Variants in SPAG9 observed in about 807,000 individuals in gnomAD.
SPAG9 encodes the protein C-Jun-amino-terminal kinase-interacting protein 4.
SPAG9 carries 35 observed loss-of-function variants against 166.5 expected under a neutral mutation model. That is an observed-to-expected ratio of 0.21 (90% CI 0.16 to 0.28). The LOEUF (loss-of-function observed/expected upper bound fraction) is 0.28. Among genes scored for constraint, SPAG9 ranks in the 10% least tolerant of loss-of-function variants. The pLI is 1.00. For synonymous variants in SPAG9, 534 were observed against 565.5 expected, an observed-to-expected ratio of 0.94 and a Z score of 0.79; for missense variants, 1,235 against 1,603.3, an observed-to-expected ratio of 0.77 and a Z score of 3.92.
intron 2 of SPAG9, among the ~76,000 whole-genome samples, chr17:51,069,437 C>T (rs1014140092): frequency 3.9e-5 from 6 of 151,904 alleles, no homozygotes; most frequent in African/African-American, 7.3e-5. Context: ...TGAAAAACAG[C>T]GACAGAAAAT....
intron 1 of SPAG9, among the ~76,000 whole-genome samples, chr17:51,091,395 G>A (rs548307597): frequency 5.9e-5 from 9 of 151,934 alleles, no homozygotes; most frequent in South Asian, 2.1e-4. Flanking sequence ...CCTCTACTAC[G>A]CTTGGCAAAC....
At chr17:51,100,300 AT>A (rs1021083632) in intron 1 of SPAG9, among the ~76,000 whole-genome samples, 2 of 152,038 alleles carry the variant, frequency 1.3e-5, no homozygotes, top group Non-Finnish European at 2.9e-5. Context: ...AGATAAAAGT[AT>A]TTTTTAAAGA....
intron 12 of SPAG9, among the ~76,000 whole-genome samples, chr17:51,002,799 C>A (rs1007237127): frequency 6.6e-6 from 1 of 151,790 alleles, no homozygotes; most frequent in Non-Finnish European, 1.5e-5. Flanking sequence ...ACAACAAAAA[C>A]AAACAGTAGG....
intron 5 of SPAG9, among the ~76,000 whole-genome samples, chr17:51,037,058 C>T (rs2046614660): frequency 6.6e-6 from 1 of 152,094 alleles, no homozygotes; most frequent in Non-Finnish European, 1.5e-5. Flanking sequence ...AACTGTCTCA[C>T]CTTAACATTT....
chr17:51,015,378 C>A (rs1263441904), intron 8 of SPAG9, among the ~76,000 whole-genome samples: 1 of 152,116 alleles, frequency 6.6e-6, no homozygotes, highest in Non-Finnish European at 1.5e-5. Context: ...TAGACACAAT[C>A]CTCCAGAACA....
chr17:50,981,418 A>G (rs771874504), intron 25 of SPAG9, among the ~76,000 whole-genome samples: 1 of 151,904 alleles, frequency 6.6e-6, no homozygotes, highest in African/African-American at 2.4e-5. Flanking sequence ...GGATGGATGG[A>G]TGGATGGATG....
intron 9 of SPAG9, chr17:51,007,732 C>T: frequency 2.5e-6 from 1 of 395,144 alleles, no homozygotes; most frequent in East Asian, 7.1e-5. Flanking sequence ...TTCTAAATCA[C>T]ATCTGACCTC....
intron 24 of SPAG9, among the ~76,000 whole-genome samples, chr17:50,982,986 G>C (rs537899122): frequency 1.5e-4 from 23 of 152,286 alleles, no homozygotes; most frequent in African/African-American, 5.5e-4. Flanking sequence ...TTTCGAATTA[G>C]AATGGACTTA....
rs1451279578 is a variant in SPAG9 at position 51,005,272 on chromosome 17, G to C, written c.1425-9C>G. ...CAGCTTCTGCCCGAGCTCTAGTGGGGAAAAAACAAAACAAAACATGTTATT... is the reference window on the plus strand; with the variant it reads ...CAGCTTCTGCCCGAGCTCTAGTGGGCAAAAAACAAAACAAAACATGTTATT... On this transcript the variant is annotated splice_polypyrimidine_tract_variant and intron_variant, in intron 11 of 29. Coordinates refer to ENST00000262013, the MANE Select transcript of SPAG9 (RefSeq NM_001130528.3). 9.9e-6 allele frequency: 16 copies of C among 1,612,416 alleles called. No homozygotes were observed. The East Asian group carries it at 3.3e-4, about 34-fold the overall frequency.
intron 2 of SPAG9, among the ~76,000 whole-genome samples, chr17:51,075,651 C>T (rs897528088): frequency 6.6e-6 from 1 of 151,994 alleles, no homozygotes; most frequent in South Asian, 2.1e-4. Context: ...TAACAAGACC[C>T]CATCTCTACA....
At position 51,085,222 on chromosome 17, in the gene SPAG9, A is replaced by T. The variant is rs865942262; in HGVS notation, c.304-5518T>A. ...TTAAAAAACATATAGCATTATGAAGATGCTGTGCTACTAAACTGCTACCAA... is the reference window on the plus strand; with the variant it reads ...TTAAAAAACATATAGCATTATGAAGTTGCTGTGCTACTAAACTGCTACCAA... On this transcript the variant is annotated intron_variant, in intron 1 of 29. Transcript: ENST00000262013. 5 of 152,232 alleles carry T rather than the reference A, an allele frequency of 3.3e-5. No individual in the cohort carries two copies. In the South Asian group the frequency reaches 8.3e-4, roughly 25 times the overall value. 9.4% of individuals were successfully genotyped at this position (152,232 alleles called of 1,614,324 possible). A position where few individuals can be genotyped will look rare whatever the true frequency, so the allele number is the denominator to read the frequency against.
intron 3 of SPAG9, among the ~76,000 whole-genome samples, chr17:51,053,631 G>A (rs1040095912): frequency 9.3e-5 from 14 of 151,104 alleles, no homozygotes; most frequent in Middle Eastern, 3.2e-3. Context: ...GTTGCAGTGA[G>A]CTGAGATCAA....
At chr17:51,070,656 T>C (rs1331236830) in intron 2 of SPAG9, among the ~76,000 whole-genome samples, 1 of 152,122 alleles carries the variant, frequency 6.6e-6, no homozygotes, top group Non-Finnish European at 1.5e-5. Context: ...CAGTTTACAA[T>C]AGAGCATAAT....
intron 6 of SPAG9, among the ~76,000 whole-genome samples, chr17:51,030,029 G>A (rs1347560983): frequency 1.3e-5 from 2 of 152,058 alleles, no homozygotes; most frequent in Non-Finnish European, 2.9e-5. Flanking sequence ...TTTCACTTGA[G>A]ATACTGCAGT....
intron 2 of SPAG9, among the ~76,000 whole-genome samples, chr17:51,078,446 C>T (rs954430214): frequency 6.6e-6 from 1 of 152,132 alleles, no homozygotes; most frequent in Non-Finnish European, 1.5e-5. Flanking sequence ...ATGGCTGTAC[C>T]TTTATAGCTG....
At chr17:51,017,206 C>T (rs893131115) in intron 8 of SPAG9, among the ~76,000 whole-genome samples, 4 of 152,108 alleles carry the variant, frequency 2.6e-5, no homozygotes, top group African/African-American at 9.7e-5. Context: ...TAAGTACATA[C>T]CTAGAATCCT....
At chr17:50,985,675 A>C (rs1243681922) in intron 23 of SPAG9, 23 bp downstream of exon 23, 1 of 1,408,258 alleles carries the variant, frequency 7.1e-7, no homozygotes, top group Non-Finnish European at 1.0e-6. Context: ...TTTAACAAGA[A>C]GAATTTCCAA....
intron 2 of SPAG9, among the ~76,000 whole-genome samples, chr17:51,066,604 C>A (rs1395612011): frequency 6.7e-6 from 1 of 150,066 alleles, no homozygotes; most frequent in Non-Finnish European, 1.5e-5. Flanking sequence ...CGCCTGTAAT[C>A]CCAGCACTTT....
In SPAG9 at chr17:51,089,625, TATATATA is replaced by T. The variant is rs1568077214; in HGVS notation, c.304-9928_304-9922del. 9.4e-4 allele frequency among the ~76,000 whole-genome samples: 52 copies of T among 55,518 alleles called. 1 individual carries two copies. Among genetic ancestry groups the T allele is most frequent in the African/African-American group, 5.2e-3 (51 of 9,858 alleles). The allele number at this position is 55,518 out of a possible 152,430, so 36.4% of individuals were successfully genotyped here. A position where few individuals can be genotyped will look rare whatever the true frequency, so the allele number is the denominator to read the frequency against. On this transcript the variant is annotated intron_variant, in intron 1 of 29. Transcript: ENST00000262013. ...GTATATATATACACTTTATTTTATA[TATATATA>T]TATATATATATATATATATATATAT...
Sources: allele counts gnomAD v4.1 joint callset (sites outside exome capture counted in the v4.1 genomes callset), GRCh38; gene constraint gnomAD v4.1.1; transcripts MANE v1.5; gene names NCBI Gene and HGNC (gene_info 2026-07-23, HGNC 2026-07-21).